BTBD9: variants seen among roughly 807,000 people sequenced by gnomAD.
BTBD9 encodes the protein BTB domain containing 9, also known as BTB/POZ domain-containing protein 9.
In BTBD9, 49 loss-of-function variants were observed where a neutral mutation model predicts 64.3. The observed-to-expected ratio is 0.76, with a 90% confidence interval of 0.61 to 0.97. The LOEUF (loss-of-function observed/expected upper bound fraction) is 0.97. Among genes scored for constraint, BTBD9 ranks in the 50% least tolerant of loss-of-function variants. The pLI, the probability that BTBD9 is intolerant of heterozygous loss-of-function variation, is 0.00. For missense variants in BTBD9, 598 were observed against 762.1 expected (o/e 0.78, Z 2.53); for synonymous variants, 260 against 274.7 (o/e 0.95, Z 0.53).
chr6:38,558,257 TA>T (rs36105146), intron 6 of BTBD9, among the ~76,000 whole-genome samples: 311 of 145,820 alleles, frequency 2.1e-3, no homozygotes, highest in Middle Eastern at 3.6e-3. Flanking sequence ...GACCCTTTCT[TA>T]AAAAAAAAAA....
intron 6 of BTBD9, among the ~76,000 whole-genome samples, chr6:38,365,826 T>A (rs1273217765): frequency 1.3e-5 from 2 of 151,886 alleles, no homozygotes; most frequent in African/African-American, 4.8e-5. Flanking sequence ...TAAGTAACAT[T>A]TCTGCATGGT....
chr6:38,425,577 G>C (rs1768107543), intron 6 of BTBD9, among the ~76,000 whole-genome samples: 1 of 151,708 alleles, frequency 6.6e-6, no homozygotes, highest in Admixed American at 6.6e-5. Flanking sequence ...AGGAGAGGGA[G>C]TTCTAGTTTG....
chr6:38,417,272 C>G (rs2206552), intron 6 of BTBD9, among the ~76,000 whole-genome samples: 6 of 152,200 alleles, frequency 3.9e-5, no homozygotes, highest in Admixed American at 1.3e-4. Context: ...AAGGCAGCTC[C>G]TAAGAAGTAA....
chr6:38,249,861 C>T (rs532106298), intron 9 of BTBD9, among the ~76,000 whole-genome samples: 1 of 152,024 alleles, frequency 6.6e-6, no homozygotes, highest in South Asian at 2.1e-4. Context: ...GCTTCACATT[C>T]CAAATAGAAA....
In BTBD9 at chr6:38,425,957, CA is replaced by C. The variant is rs76104630; in HGVS notation, c.1155-80865del. On this transcript the variant is annotated intron_variant, in intron 6 of 10. Coordinates refer to ENST00000481247, the MANE Select transcript of BTBD9 (RefSeq NM_001099272.2). ...ACACACACACACACACACACACACA[CA>C]AACAAAAGCAAGCCCAGACCAGAAG... 5.2e-4 allele frequency among the ~76,000 whole-genome samples: 65 copies of C among 126,048 alleles called. 2 individuals carry two copies. Among genetic ancestry groups the C allele is most frequent in the African/African-American group, 1.6e-3 (56 of 34,678 alleles). The allele number at this position is 126,048 out of a possible 152,430, so 82.7% of individuals were successfully genotyped here. A position where few individuals can be genotyped will look rare whatever the true frequency, so the allele number is the denominator to read the frequency against.
intron 6 of BTBD9, among the ~76,000 whole-genome samples, chr6:38,380,415 T>C (rs1297932329): frequency 2.0e-5 from 3 of 152,188 alleles, no homozygotes; most frequent in Non-Finnish European, 4.4e-5. Flanking sequence ...ATTGACTAGA[T>C]AAAACAATAA....
At chr6:38,555,329 A>G (rs1004073877) in intron 6 of BTBD9, among the ~76,000 whole-genome samples, 9 of 152,218 alleles carry the variant, frequency 5.9e-5, no homozygotes, top group African/African-American at 1.9e-4. Context: ...TATATAACCC[A>G]TTACAGGAGG....
At chr6:38,236,127 T>C (rs1561909370) in intron 9 of BTBD9, among the ~76,000 whole-genome samples, 2 of 152,186 alleles carry the variant, frequency 1.3e-5, no homozygotes, top group African/African-American at 2.4e-5. Context: ...AATGCCTCAC[T>C]TAAGAAATAA....
intron 8 of BTBD9, among the ~76,000 whole-genome samples, chr6:38,270,337 C>A (rs974816340): frequency 1.3e-5 from 2 of 149,160 alleles, no homozygotes; most frequent in Non-Finnish European, 3.0e-5. Context: ...TTACCCCCCA[C>A]CCCCCACTAC....
At chr6:38,326,825 T>G (rs1562028249) in intron 7 of BTBD9, among the ~76,000 whole-genome samples, 1 of 151,438 alleles carries the variant, frequency 6.6e-6, no homozygotes, top group Non-Finnish European at 1.5e-5. Flanking sequence ...CCCACAGCCG[T>G]GGGGCCTGTC....
intron 9 of BTBD9, among the ~76,000 whole-genome samples, chr6:38,207,700 G>A (rs1012502361): frequency 3.4e-4 from 51 of 152,090 alleles, no homozygotes; most frequent in African/African-American, 1.2e-3. Flanking sequence ...AAGTAAATGG[G>A]GAGAATATAT....
At chr6:38,550,796 A>G (rs1774764746) in intron 6 of BTBD9, among the ~76,000 whole-genome samples, 1 of 152,194 alleles carries the variant, frequency 6.6e-6, no homozygotes, top group African/African-American at 2.4e-5. Flanking sequence ...CCTATGGTCT[A>G]CCTAGTAGTT....
intron 10 of BTBD9, among the ~76,000 whole-genome samples, chr6:38,187,189 G>A (rs1002199233): frequency 1.3e-5 from 2 of 152,160 alleles, no homozygotes; most frequent in African/African-American, 4.8e-5. Context: ...AGACTCCCTC[G>A]ACGTTTGTTA....
rs869155666 is a variant in BTBD9, at chr6:38,171,846, C to CAAAAAAAAAAAAAAAAAAAAAAAAA, written c.*3114_*3138dup. ...TCCAATGAAGTTGCCTTTCTACTCT[C>CAAAAAAAAAAAAAAAAAAAAAAAAA]AAAAAAAAAAAAAAAAAAAAAAAAA... is the stretch of plus-strand genomic sequence containing the variant. On this transcript the variant is annotated 3_prime_UTR_variant, in exon 11 of 11. Coordinates refer to ENST00000481247, the MANE Select transcript of BTBD9 (RefSeq NM_001099272.2). 5.0e-5 allele frequency: 4 copies of CAAAAAAAAAAAAAAAAAAAAAAAAA among 79,226 alleles called. No homozygotes were observed. The highest frequency in any genetic ancestry group is 1.7e-4 in the Admixed American group (1 of 6,018). 4.9% of individuals were successfully genotyped at this position (79,226 alleles called of 1,614,324 possible). A position where few individuals can be genotyped will look rare whatever the true frequency, so the allele number is the denominator to read the frequency against.
chr6:38,465,753 A>ATG (rs1554158494), intron 6 of BTBD9, among the ~76,000 whole-genome samples: 136 of 39,472 alleles, frequency 3.4e-3, no homozygotes, highest in Non-Finnish European at 4.2e-3. Flanking sequence ...ATATATATAT[A>ATG]TATGTATGTA....
chr6:38,576,757 C>T (rs1047349081), intron 6 of BTBD9, among the ~76,000 whole-genome samples: 1 of 152,082 alleles, frequency 6.6e-6, no homozygotes, highest in Non-Finnish European at 1.5e-5. Flanking sequence ...AATCTTTTGA[C>T]TTTAAGGTAA....
At chr6:38,196,221 T>C (rs1762270637) in intron 9 of BTBD9, among the ~76,000 whole-genome samples, 1 of 152,240 alleles carries the variant, frequency 6.6e-6, no homozygotes, top group African/African-American at 2.4e-5. Flanking sequence ...TTTTAACAGC[T>C]CTAGGACCTT....
chr6:38,428,674 A>G (rs2127292409), intron 6 of BTBD9, among the ~76,000 whole-genome samples: 1 of 151,742 alleles, frequency 6.6e-6, no homozygotes, highest in South Asian at 2.1e-4. Context: ...ACTGTTAAAT[A>G]ATACAGCTTA....
At chr6:38,476,781 T>G (rs1357450025) in intron 6 of BTBD9, among the ~76,000 whole-genome samples, 1 of 152,256 alleles carries the variant, frequency 6.6e-6, no homozygotes, top group African/African-American at 2.4e-5. Context: ...AGACAGCGTA[T>G]CCAGCTTTAT....
Sources: gnomAD v4.1 joint callset for allele counts (sites outside exome capture counted in the v4.1 genomes callset) on GRCh38, gnomAD v4.1.1 for gene constraint, MANE v1.5 for transcripts, NCBI Gene and HGNC (gene_info 2026-07-23, HGNC 2026-07-21) for gene names.